The following CDK14 variants were observed in gnomAD, a reference collection of about 807,000 sequenced individuals.
CDK14 encodes cyclin-dependent kinase 14.
Under a neutral mutation model 60.7 loss-of-function variants are expected in CDK14, and 34 were observed. The observed-to-expected ratio is 0.56, with a 90% CI of 0.43 to 0.75. The LOEUF (loss-of-function observed/expected upper bound fraction) is 0.75, where lower values mean the gene tolerates loss of function less well. Among genes scored for constraint, CDK14 ranks in the 30% least tolerant of loss-of-function variants. The probability of loss-of-function intolerance (pLI) is 0.00; values close to 1 mark genes in which losing one functional copy is unlikely to be tolerated. For synonymous variants in CDK14, 197 were observed against 203.7 expected, an observed-to-expected ratio of 0.97 and a Z score of 0.28; for missense variants, 482 against 564.1, an observed-to-expected ratio of 0.85 and a Z score of 1.47.
intron 3 of CDK14, among the ~76,000 whole-genome samples, chr7:90,734,924 C>T (rs1803027545): frequency 6.6e-6 from 1 of 152,148 alleles, no homozygotes; most frequent in African/African-American, 2.4e-5. Flanking sequence ...CCTTTTTGCG[C>T]TGGTTTCTCC....
At chr7:90,893,105 G>A (rs541857000) in intron 6 of CDK14, among the ~76,000 whole-genome samples, 19 of 152,074 alleles carry the variant, frequency 1.2e-4, no homozygotes, top group African/African-American at 3.6e-4. Flanking sequence ...CTCTTTCTGC[G>A]CTCACTCTGT....
At chr7:90,858,514 C>T (rs1362561746) in intron 5 of CDK14, among the ~76,000 whole-genome samples, 2 of 152,140 alleles carry the variant, frequency 1.3e-5, no homozygotes, top group African/African-American at 4.8e-5. Context: ...GAGGTATTAA[C>T]TTGAAAAATG....
intron 8 of CDK14, among the ~76,000 whole-genome samples, chr7:90,920,280 CT>C (rs145616549): frequency 0.04 from 6,055 of 152,136 alleles, 173 homozygotes; most frequent in Middle Eastern, 0.085. Flanking sequence ...TTTGTCTTAC[CT>C]TTTTTCCTTA....
intron 14 of CDK14, among the ~76,000 whole-genome samples, chr7:91,161,139 T>C (rs1026426627): frequency 3.9e-5 from 6 of 152,154 alleles, no homozygotes; most frequent in East Asian, 1.9e-4. Flanking sequence ...GCCTCTGACT[T>C]GGAAGACTAA....
At chr7:91,139,958 C>CT (rs138228454) in intron 14 of CDK14, among the ~76,000 whole-genome samples, 4,362 of 152,052 alleles carry the variant, frequency 0.029, 85 homozygotes, top group Non-Finnish European at 0.043. Context: ...GAAAAAAACT[C>CT]TGAGACTTAG....
intron 12 of CDK14, among the ~76,000 whole-genome samples, chr7:91,080,998 A>G (rs978339963): frequency 1.3e-5 from 2 of 152,226 alleles, no homozygotes; most frequent in East Asian, 3.8e-4. Flanking sequence ...TAAAATTATG[A>G]ACATGACTTG....
intron 2 of CDK14, among the ~76,000 whole-genome samples, chr7:90,675,649 G>C (rs537901262): frequency 6.6e-6 from 1 of 152,120 alleles, no homozygotes; most frequent in East Asian, 1.9e-4. Flanking sequence ...TTAATAATTT[G>C]TTCTCTTTTC....
chr7:90,838,950 C>G (rs867573367), intron 5 of CDK14, among the ~76,000 whole-genome samples: 1 of 152,146 alleles, frequency 6.6e-6, no homozygotes, highest in African/African-American at 2.4e-5. Flanking sequence ...TCATATACCC[C>G]CTCCCCTTTT....
rs118189819 is a variant in CDK14, at chr7:90,756,920, C to T, written c.464+9145C>T. On this transcript the variant is annotated intron_variant, in intron 4 of 14. Coordinates refer to ENST00000380050, the MANE Select transcript of CDK14 (RefSeq NM_001287135.2). The stretch of plus-strand genomic sequence containing the variant: ...CATTTTACACATATGTGTTGGTTTA[C>T]AGGTGTCATGTTTGGATTTTACCAT... Among the ~76,000 whole-genome samples the T allele has an allele frequency of 7.9e-5, 12 of 152,268 alleles. No homozygotes were observed. The East Asian group carries it at 2.3e-3, about 29-fold the overall frequency.
At chr7:91,063,730 A>C (rs62468503) in intron 11 of CDK14, among the ~76,000 whole-genome samples, 5,009 of 152,310 alleles carry the variant, frequency 0.033, 109 homozygotes, top group Middle Eastern at 0.12. Flanking sequence ...CTGTTGCCTC[A>C]AAAGGAGTAA....
At chr7:90,815,838 G>A (rs956143936) in intron 5 of CDK14, among the ~76,000 whole-genome samples, 37 of 151,688 alleles carry the variant, frequency 2.4e-4, no homozygotes, top group African/African-American at 8.2e-4. Context: ...AACACTGCAT[G>A]TTCTCACTCA....
intron 6 of CDK14, among the ~76,000 whole-genome samples, chr7:90,894,350 G>A (rs1320054314): frequency 6.6e-6 from 1 of 152,130 alleles, no homozygotes; most frequent in Non-Finnish European, 1.5e-5. Context: ...CAGAGGTTAT[G>A]TCACCTGCTC....
intron 11 of CDK14, among the ~76,000 whole-genome samples, chr7:91,048,822 T>G (rs976573192): frequency 8.5e-5 from 13 of 152,310 alleles, no homozygotes; most frequent in African/African-American, 3.1e-4. Flanking sequence ...TCTTTTTATC[T>G]TTTGGCCAAT....
chr7:90,672,482 G>C (rs1254553572), intron 2 of CDK14, among the ~76,000 whole-genome samples: 4 of 130,116 alleles, frequency 3.1e-5, no homozygotes, highest in African/African-American at 5.8e-5. Context: ...CATGGCCTAT[G>C]CATCAGTGCT....
At chr7:91,142,281 A>G (rs1800491763) in intron 14 of CDK14, among the ~76,000 whole-genome samples, 1 of 152,228 alleles carries the variant, frequency 6.6e-6, no homozygotes, top group Non-Finnish European at 1.5e-5. Context: ...AGTGATCAGT[A>G]GGGCTGAGTA....
chr7:91,084,214 G>T lies in CDK14; in HGVS notation c.1154+4734G>T, dbSNP rs1365628999. On this transcript the variant is annotated intron_variant, in intron 12 of 14. Transcript: ENST00000380050. ...ATTTTAAAACCCCATATTCATGGGAGCTTATCAATATCTAATTTTATTTTG... is the reference window on the plus strand; with the variant it reads ...ATTTTAAAACCCCATATTCATGGGATCTTATCAATATCTAATTTTATTTTG... Among the ~76,000 whole-genome samples the T allele has an allele frequency of 2.6e-5, 4 of 152,194 alleles. No homozygotes were observed. In the East Asian group the frequency reaches 5.8e-4, roughly 22 times the overall value.
chr7:91,107,903 A>C (rs999199334), intron 12 of CDK14: 1 of 152,234 alleles, frequency 6.6e-6, no homozygotes, highest in African/African-American at 2.4e-5. Flanking sequence ...GATAAGTCTA[A>C]TGAAGCTTCT....
intron 9 of CDK14, among the ~76,000 whole-genome samples, chr7:90,983,353 A>G (rs1795282838): frequency 6.6e-6 from 1 of 152,194 alleles, no homozygotes; most frequent in Non-Finnish European, 1.5e-5. Flanking sequence ...GTACATACAT[A>G]CCATGGAATA....
chr7:91,158,356 G>A (rs1298408755), intron 14 of CDK14, among the ~76,000 whole-genome samples: 1 of 151,808 alleles, frequency 6.6e-6, no homozygotes, highest in South Asian at 2.1e-4. Flanking sequence ...AGAACTACAG[G>A]CACATGCTAT....
Sources: allele counts gnomAD v4.1 joint callset (sites outside exome capture counted in the v4.1 genomes callset), GRCh38; gene constraint gnomAD v4.1.1; transcripts MANE v1.5; gene names NCBI Gene and HGNC (gene_info 2026-07-23, HGNC 2026-07-21).